The following HMGCS1 variants were observed in gnomAD, a reference collection of about 807,000 sequenced individuals.
The protein encoded by HMGCS1 is 3-hydroxy-3-methylglutaryl-CoA synthase 1.
In HMGCS1, 9 loss-of-function variants were observed where a neutral mutation model predicts 52.3. The ratio of observed to expected loss-of-function variants is 0.17; its 90% confidence interval spans 0.10 to 0.30. The LOEUF is 0.30. Ranked by LOEUF, HMGCS1 falls within the 10% of genes least tolerant of loss-of-function variation. HMGCS1 has a pLI of 1.00. For synonymous variants in HMGCS1, 176 were observed against 214.4 expected, an observed-to-expected ratio of 0.82 and a Z score of 1.57; for missense variants, 320 against 620.9, an observed-to-expected ratio of 0.52 and a Z score of 5.15.
rs1370954223 is a variant in HMGCS1 at position 43,287,598 on chromosome 5, T to C, written c.*3533A>G. ...CCCGCCACAGAAGTCTCCTCCTCTTTTGAGGAGACTTACGAAATGCATTTC... is the reference window on the plus strand; with the variant it reads ...CCCGCCACAGAAGTCTCCTCCTCTTCTGAGGAGACTTACGAAATGCATTTC... On this transcript the variant is annotated 3_prime_UTR_variant, in exon 11 of 11. Transcript: ENST00000325110. 1 of 152,128 alleles carries C rather than the reference T, an allele frequency of 6.6e-6. No individual in the cohort carries two copies. The highest frequency in any genetic ancestry group is 6.5e-5 in the Admixed American group (1 of 15,278). The allele number at this position is 152,128 out of a possible 1,614,324, so 9.4% of individuals were successfully genotyped here.
chr5:43,299,361 T>G (rs1229954977), intron 2 of HMGCS1, among the ~76,000 whole-genome samples: 1 of 152,124 alleles, frequency 6.6e-6, no homozygotes, highest in Non-Finnish European at 1.5e-5. Flanking sequence ...AAAGTTTTAA[T>G]AAATTAGGCC....
chr5:43,304,814 C>T (rs556804395), intron 2 of HMGCS1, among the ~76,000 whole-genome samples: 2 of 152,306 alleles, frequency 1.3e-5, no homozygotes, highest in East Asian at 3.9e-4. Flanking sequence ...GGGTTTCTGA[C>T]AGCCAATGTG....
In HMGCS1 at chr5:43,312,935, C is replaced by T. The variant is rs567400006; in HGVS notation, c.-70+421G>A. The T allele has an allele frequency of 9.6e-4, 146 of 152,556 alleles. 1 individual carries two copies. Among genetic ancestry groups the T allele is most frequent in the African/African-American group, 3.3e-3 (139 of 41,560 alleles). The allele number at this position is 152,556 out of a possible 1,614,324, so 9.5% of individuals were successfully genotyped here. On this transcript the variant is annotated intron_variant, in intron 1 of 10. Transcript: ENST00000325110. Reference sequence around the variant, plus strand: ...TCCGTCTAAAGAGGATCTTGCCCATCCTTTGGCGTCCACCCTTAACCAACG... The same window carrying T: ...TCCGTCTAAAGAGGATCTTGCCCATTCTTTGGCGTCCACCCTTAACCAACG...
At chr5:43,297,838 C>CA (rs371302116) in intron 4 of HMGCS1, among the ~76,000 whole-genome samples, 171 bp downstream of exon 4, 4,780 of 67,512 alleles carry the variant, frequency 0.071, 304 homozygotes, top group African/African-American at 0.21. Flanking sequence ...AACTCGGTCT[C>CA]AAAAAAAAAA....
intron 4 of HMGCS1, among the ~76,000 whole-genome samples, chr5:43,297,639 G>A (rs1242444694): frequency 1.3e-5 from 2 of 151,736 alleles, no homozygotes; most frequent in Non-Finnish European, 2.9e-5. Flanking sequence ...TCAGGAATTC[G>A]ATGCCAGCCT....
chr5:43,306,545 C>T (rs1031479551), intron 2 of HMGCS1, among the ~76,000 whole-genome samples: 1 of 152,192 alleles, frequency 6.6e-6, no homozygotes, highest in African/African-American at 2.4e-5. Flanking sequence ...GCTCCAAAAT[C>T]TGAAACTCTC....
At chr5:43,291,987 C>CTTTTTTTTTT (rs537398917) in intron 10 of HMGCS1, among the ~76,000 whole-genome samples, 37 of 83,114 alleles carry the variant, frequency 4.5e-4, no homozygotes, top group South Asian at 1.3e-3. Context: ...ACTGTATATT[C>CTTTTTTTTTT]TTTTTTTTTT....
At chr5:43,292,377 A>T in intron 10 of HMGCS1, 97 bp downstream of exon 10, 1 of 898,476 alleles carries the variant, frequency 1.1e-6, no homozygotes, top group Non-Finnish European at 1.7e-6. Context: ...CTACTCCCAG[A>T]GCCCTTACTC....
intron 10 of HMGCS1, among the ~76,000 whole-genome samples, chr5:43,291,837 T>A (rs1052408745): frequency 3.9e-5 from 6 of 152,108 alleles, no homozygotes; most frequent in African/African-American, 1.4e-4. Flanking sequence ...AGGACAGATT[T>A]TGACCATGAT....
At chr5:43,305,562 G>C (rs1251149537) in intron 2 of HMGCS1, among the ~76,000 whole-genome samples, 4 of 151,836 alleles carry the variant, frequency 2.6e-5, no homozygotes, top group African/African-American at 9.7e-5. Context: ...TTAAGGTCAG[G>C]AGTTCAAGAC....
In HMGCS1 at chr5:43,291,102, C is replaced by T. The variant is rs765819768; in HGVS notation, c.*29G>A. 4.6e-6 allele frequency: 5 copies of T among 1,095,026 alleles called. No homozygotes were observed. Among genetic ancestry groups the T allele is most frequent in the South Asian group, 2.5e-5 (2 of 80,324 alleles). 67.8% of individuals were successfully genotyped at this position (1,095,026 alleles called of 1,614,324 possible). ...ATACCCCCACCCCATGCCCACCCCA[C>T]CCTGAAGTCTTGCACCTCACAGAGT... On this transcript the variant is annotated 3_prime_UTR_variant, in exon 11 of 11. Transcript: ENST00000325110.
chr5:43,298,410 G>C lies in HMGCS1; in HGVS notation c.448+108C>G. 1 of 794,706 alleles carries C rather than the reference G, an allele frequency of 1.3e-6. No individual in the cohort carries two copies. Among genetic ancestry groups the C allele is most frequent in the East Asian group, 2.6e-5 (1 of 39,122 alleles). 49.2% of individuals were successfully genotyped at this position (794,706 alleles called of 1,614,324 possible). A position where few individuals can be genotyped will look rare whatever the true frequency, so the allele number is the denominator to read the frequency against. ...TATCTTTCTTAATATATCCAAACAA[G>C]GACAAATTACAAAAGTTTGCGTATT... On this transcript the variant is annotated intron_variant, in intron 3 of 10. Transcript: ENST00000325110. This position sits in a 1 kb window ranked among gnomAD's most constrained non-coding sequence, Gnocchi z 5.6.
intron 10 of HMGCS1, among the ~76,000 whole-genome samples, chr5:43,291,580 T>A (rs552232061): frequency 3.3e-5 from 5 of 152,306 alleles, no homozygotes; most frequent in Admixed American, 3.3e-4. Flanking sequence ...AAACTTGTAG[T>A]AAGCAGATAA....
chr5:43,299,461 A>T (rs1206899813), intron 2 of HMGCS1, among the ~76,000 whole-genome samples: 1 of 151,450 alleles, frequency 6.6e-6, no homozygotes, highest in Non-Finnish European at 1.5e-5. Flanking sequence ...CATCCTGGCT[A>T]ACATGGTGAA....
intron 2 of HMGCS1, among the ~76,000 whole-genome samples, chr5:43,303,798 A>G (rs1218706843): frequency 3.3e-5 from 5 of 152,222 alleles, no homozygotes; most frequent in Non-Finnish European, 5.9e-5. Flanking sequence ...ACATTCAGGG[A>G]CAGGGGCATA....
intron 2 of HMGCS1, among the ~76,000 whole-genome samples, chr5:43,300,411 T>C (rs376077808): frequency 1.1e-4 from 17 of 152,194 alleles, no homozygotes; most frequent in African/African-American, 3.4e-4. Flanking sequence ...TATGACTTGT[T>C]TGTCAACCCA....
At position 43,291,089 on chromosome 5, in the gene HMGCS1, CATGCCCACCCCA is replaced by C; in HGVS notation, c.*30_*41del. The C allele has an allele frequency of 3.8e-6, 3 of 782,300 alleles. No homozygotes were observed. The highest frequency in any genetic ancestry group is 1.7e-5 in the African/African-American group (1 of 58,732). 48.5% of individuals were successfully genotyped at this position (782,300 alleles called of 1,614,324 possible). On this transcript the variant is annotated 3_prime_UTR_variant, in exon 11 of 11. Coordinates refer to ENST00000325110, the MANE Select transcript of HMGCS1 (RefSeq NM_001098272.3). The stretch of plus-strand genomic sequence containing the variant: ...TCCAACTGTTCCCATACCCCCACCC[CATGCCCACCCCA>C]CCCTGAAGTCTTGCACCTCACAGAG...
rs1754066232 is a variant in HMGCS1 at position 43,297,054 on chromosome 5, T to C, written c.687A>G (p.Leu229=). 5 of 1,613,908 alleles carry C rather than the reference T, an allele frequency of 3.1e-6. No homozygotes were observed. Among genetic ancestry groups the C allele is most frequent in the East Asian group, 2.2e-5 (1 of 44,872 alleles). The part of the protein sequence containing the change: ...KLSIQCYLSA[L]DRCYSVYCKK... ...TGCAGTAGACAGAATAGCAGCGGTC[T>C]AATGCACTGAGGTAGCACTGTATGG... Residue 229 remains leucine, a synonymous_variant, in exon 5 of 11, where the codon TTA becomes TTG. Coordinates refer to ENST00000325110, the MANE Select transcript of HMGCS1 (RefSeq NM_001098272.3).
intron 8 of HMGCS1, 76 bp from the exon 9 acceptor site, chr5:43,293,049 G>T: frequency 8.1e-7 from 1 of 1,232,868 alleles, no homozygotes; most frequent in Non-Finnish European, 1.2e-6. Flanking sequence ...GTAAAATGTT[G>T]CCAAATGAGG....
Sources: allele counts gnomAD v4.1 joint callset (sites outside exome capture counted in the v4.1 genomes callset), GRCh38; gene constraint gnomAD v4.1.1; non-coding constraint Gnocchi (gnomAD v3.1); transcripts MANE v1.5; gene names NCBI Gene and HGNC (gene_info 2026-07-23, HGNC 2026-07-21).